LRRC8E: variants seen among roughly 807,000 people sequenced by gnomAD.
LRRC8E encodes the protein leucine rich repeat containing 8 VRAC subunit E.
LRRC8E carries 6 observed loss-of-function variants against 6.1 expected under a neutral mutation model. The observed-to-expected ratio is 0.98, with a 90% CI of 0.54 to 1.93. The LOEUF (loss-of-function observed/expected upper bound fraction) is 1.93. Among genes scored for constraint, LRRC8E ranks in the 30% most tolerant of loss-of-function variants. The pLI, the probability that LRRC8E is intolerant of heterozygous loss-of-function variation, is 0.01. For synonymous variants in LRRC8E, 485 were observed against 472.8 expected, an observed-to-expected ratio of 1.03 and a Z score of -0.33; for missense variants, 1,028 against 1,031.4, an observed-to-expected ratio of 1.00 and a Z score of 0.04.
intron 1 of LRRC8E, among the ~76,000 whole-genome samples, chr19:7,888,850 G>A (rs569870249): frequency 6.6e-6 from 1 of 152,270 alleles, no homozygotes; most frequent in South Asian, 2.1e-4. Flanking sequence ...AAGATAAACA[G>A]GCTGAAGATA....
At position 7,888,920 on chromosome 19, in the gene LRRC8E, A is replaced by C. The variant is rs976992728; in HGVS notation, c.-6+320A>C. 2.2e-4 allele frequency among the ~76,000 whole-genome samples: 33 copies of C among 152,138 alleles called. 1 individual carries two copies. Among genetic ancestry groups the C allele is most frequent in the African/African-American group, 7.7e-4 (32 of 41,430 alleles). On this transcript the variant is annotated intron_variant, in intron 1 of 2. Transcript: ENST00000306708. ...CCCCTTGGCATCTGGGAAGACATTG[A>C]CAACTCATCCCCGGGAGACTCTCAG... is the stretch of plus-strand genomic sequence containing the variant.
chr19:7,900,279 AGCTGGAGCTGGTGGCCTGCGG>A lies in LRRC8E; in HGVS notation c.1766_1786del (p.Leu589_Glu595del). On this transcript the variant is annotated inframe_deletion, in exon 3 of 3. Transcript: ENST00000306708. The surrounding 1 kb of genome is among the most constrained non-coding windows in gnomAD (Gnocchi z 5.0). ...CTCAAGAAGCTGGCGGCATTGCGGG[AGCTGGAGCTGGTGGCCTGCGG>A]GCTGGAGCGCATCCCCCATGCAGTG... The A allele has an allele frequency of 1.9e-6, 3 of 1,613,236 alleles. No individual in the cohort carries two copies. Among genetic ancestry groups the A allele is most frequent in the Non-Finnish European group, 2.5e-6 (3 of 1,180,006 alleles).
chr19:7,898,783 T>C lies in LRRC8E; in HGVS notation c.261T>C (p.Val87=). ...AGCAGATTGGGGCCCTGCAGGAGGT[T>C]AAAGGCCTTAAGAACAATTTGGACC... ...IPEQIGALQE[V]KGLKNNLDLQ... The change falls in exon 3 of 3, where the codon GTT becomes GTC. Residue 87 remains valine (V), a synonymous_variant. Transcript: ENST00000306708. The C allele has an allele frequency of 1.2e-6, 2 of 1,614,138 alleles. No individual in the cohort carries two copies.
Position 7,898,778 on chromosome 19 carries a change from G to A in LRRC8E, c.256G>A (p.Glu86Lys). Residue 86 changes from glutamate to lysine, a missense_variant, in exon 3 of 3, where the codon GAG (glutamate) becomes AAG (lysine). Glu to Lys is a moderately conservative substitution (Grantham distance 56). Coordinates refer to ENST00000306708, the MANE Select transcript of LRRC8E (RefSeq NM_025061.6). ...CCCTGAGCAGATTGGGGCCCTGCAG[G>A]AGGTTAAAGGCCTTAAGAACAATTT... Reference protein sequence around the residue: ...GIPEQIGALQEVKGLKNNLDL... With the variant: ...GIPEQIGALQKVKGLKNNLDL... 1 of 1,614,176 alleles carries A rather than the reference G, an allele frequency of 6.2e-7. No homozygotes were observed. The highest frequency in any genetic ancestry group is 8.5e-7 in the Non-Finnish European group (1 of 1,180,042).
At chr19:7,897,606 GC>G (rs200848300) in intron 2 of LRRC8E, among the ~76,000 whole-genome samples, 1 of 143,104 alleles carries the variant, frequency 7.0e-6, no homozygotes, top group Non-Finnish European at 1.5e-5. Context: ...CCCCCGCTTG[GC>G]CCCCCCTCCC....
intron 1 of LRRC8E, among the ~76,000 whole-genome samples, chr19:7,890,977 G>A (rs1490964940): frequency 2.0e-5 from 3 of 152,080 alleles, no homozygotes; most frequent in South Asian, 2.1e-4. Flanking sequence ...GATTACAGGC[G>A]TGAGCCACCG....
chr19:7,892,526 G>A (rs1981369243), intron 1 of LRRC8E, among the ~76,000 whole-genome samples: 2 of 152,084 alleles, frequency 1.3e-5, no homozygotes. Context: ...GCATTCTTAG[G>A]TAAAGCAACT....
In LRRC8E at chr19:7,900,220, C is replaced by T; in HGVS notation, c.1698C>T (p.His566=). The change falls in exon 3 of 3, where the codon CAC becomes CAT. Residue 566 remains histidine, a synonymous_variant. Coordinates refer to ENST00000306708, the MANE Select transcript of LRRC8E (RefSeq NM_025061.6). The surrounding 1 kb of genome is among the most constrained non-coding windows in gnomAD (Gnocchi z 5.0). The stretch of plus-strand genomic sequence containing the variant: ...GCCACCTGCAGAGGCTCAGCCTGCA[C>T]AACGATGGGGCCCGTCTGGTTGCCC... ...VAGHLQRLSL[H]NDGARLVALN... 6.2e-7 allele frequency: 1 copy of T among 1,613,182 alleles called. No individual in the cohort carries two copies. The highest frequency in any genetic ancestry group is 1.1e-5 in the South Asian group (1 of 91,072).
chr19:7,890,620 T>C (rs1241150452), intron 1 of LRRC8E, among the ~76,000 whole-genome samples: 2 of 151,924 alleles, frequency 1.3e-5, no homozygotes, highest in Admixed American at 1.3e-4. Flanking sequence ...AAACCCCGTC[T>C]CTACTAAAAT....
At position 7,899,382 on chromosome 19, in the gene LRRC8E, G is replaced by C. The variant is rs1599609865; in HGVS notation, c.860G>C (p.Arg287Thr). 6.2e-7 allele frequency: 1 copy of C among 1,614,220 alleles called. No homozygotes were observed. The highest frequency in any genetic ancestry group is 8.5e-7 in the Non-Finnish European group (1 of 1,180,042). Residue 287 changes from arginine (R) to threonine (T), a missense_variant, in exon 3 of 3, where the codon AGG becomes ACG. Physicochemically the swap from Arg to Thr is moderately conservative, Grantham distance 71. Coordinates refer to ENST00000306708, the MANE Select transcript of LRRC8E (RefSeq NM_025061.6). The part of the protein sequence containing the change: ...VEKISFLVAC[R>T]VETSEVTGYA... ...AAGATCAGTTTCCTGGTGGCCTGTA[G>C]GGTGGAGACGTCAGAGGTCACGGGC... is the stretch of plus-strand genomic sequence containing the variant.
intron 1 of LRRC8E, among the ~76,000 whole-genome samples, chr19:7,889,005 A>C (rs1030028669): frequency 1.3e-5 from 2 of 152,096 alleles, no homozygotes; most frequent in Non-Finnish European, 2.9e-5. Context: ...GTGCTCTTGA[A>C]CTTACACATG....
At chr19:7,889,888 T>C (rs1245929757) in intron 1 of LRRC8E, among the ~76,000 whole-genome samples, 1 of 151,836 alleles carries the variant, frequency 6.6e-6, no homozygotes, top group Non-Finnish European at 1.5e-5. Context: ...TAGCTGGGAC[T>C]ACAAGCATGT....
intron 2 of LRRC8E, among the ~76,000 whole-genome samples, chr19:7,897,172 C>CTTTTTT (rs147426486): frequency 6.8e-6 from 1 of 147,400 alleles, no homozygotes. Context: ...TTTTCTTTTT[C>CTTTTTT]TTTTTCTTTT....
At chr19:7,897,780 T>G (rs1373302845) in intron 2 of LRRC8E, among the ~76,000 whole-genome samples, 1 of 152,030 alleles carries the variant, frequency 6.6e-6, no homozygotes, top group Non-Finnish European at 1.5e-5. Context: ...TTGTCTTGAC[T>G]ACCTCTGCAA....
At chr19:7,891,529 G>GTGTGTGTA in intron 1 of LRRC8E, among the ~76,000 whole-genome samples, 1 of 148,950 alleles carries the variant, frequency 6.7e-6, no homozygotes, top group South Asian at 2.1e-4. Context: ...GCTCGGGTGT[G>GTGTGTGTA]TGTGTGTGTG....
chr19:7,889,738 ATCTC>A (rs200550933), intron 1 of LRRC8E, among the ~76,000 whole-genome samples: 2 of 142,514 alleles, frequency 1.4e-5, no homozygotes, highest in African/African-American at 2.6e-5. Flanking sequence ...GCAAGACTCT[ATCTC>A]TCTCTCTCTC....
At position 7,895,442 on chromosome 19, in the gene LRRC8E, C is replaced by T. The variant is rs1192914572; in HGVS notation, c.-5-157C>T. On this transcript the variant is annotated intron_variant, in intron 1 of 2. Transcript: ENST00000306708. The surrounding 1 kb of genome is among the most constrained non-coding windows in gnomAD (Gnocchi z 4.7). ...TGCATGGAGGGTGACTAAGGCCAGG[C>T]TAAGAGGGAAGTGGGGGCACACACT... 3.5e-6 allele frequency: 3 copies of T among 855,424 alleles called. No individual in the cohort carries two copies. The highest frequency in any genetic ancestry group is 2.9e-4 in the Middle Eastern group (1 of 3,478). 53.0% of individuals were successfully genotyped at this position (855,424 alleles called of 1,614,324 possible).
In LRRC8E at chr19:7,899,139, T is replaced by C; in HGVS notation, c.617T>C (p.Val206Ala). ...GCAGGGGAGGGTGAGAAGGAGAAAG[T>C]GCTGGCGGAACCGGAGAAGGTGGTG... ...GKAGEGEKEK[V>A]LAEPEKVVTE... The change falls in exon 3 of 3, where the codon GTG becomes GCG. Residue 206 changes from valine (V) to alanine (A), a missense_variant. By Grantham distance (64) the Val-to-Ala change is moderately conservative (BLOSUM62 0). Transcript: ENST00000306708. 6.2e-7 allele frequency: 1 copy of C among 1,613,400 alleles called. No homozygotes were observed. Among genetic ancestry groups the C allele is most frequent in the Non-Finnish European group, 8.5e-7 (1 of 1,179,652 alleles).
chr19:7,890,392 G>T (rs1278705302), intron 1 of LRRC8E, among the ~76,000 whole-genome samples: 1 of 152,002 alleles, frequency 6.6e-6, no homozygotes, highest in Admixed American at 6.6e-5. Context: ...TGGTTTTTTT[G>T]TTGTTGTTTG....
Sources: allele counts gnomAD v4.1 joint callset (sites outside exome capture counted in the v4.1 genomes callset), GRCh38; gene constraint gnomAD v4.1.1; non-coding constraint Gnocchi (gnomAD v3.1); transcripts MANE v1.5; gene names NCBI Gene and HGNC (gene_info 2026-07-23, HGNC 2026-07-21).